The following PCDHGA6 variants were observed in gnomAD, a reference collection of about 807,000 sequenced individuals.
The protein encoded by PCDHGA6 is protocadherin gamma-A6.
Under a neutral mutation model 60.6 loss-of-function variants are expected in PCDHGA6, and 41 were observed. The observed-to-expected ratio is 0.68, with a 90% CI of 0.53 to 0.88. PCDHGA6 has a LOEUF of 0.88. Ranked by LOEUF, PCDHGA6 falls within the 40% of genes least tolerant of loss-of-function variation. The pLI is 0.00. For synonymous variants in PCDHGA6, 594 were observed against 524.4 expected, an observed-to-expected ratio of 1.13 and a Z score of -1.81; for missense variants, 1,312 against 1,203.0, an observed-to-expected ratio of 1.09 and a Z score of -1.34.
intron 2 of PCDHGA6, among the ~76,000 whole-genome samples, chr5:141,501,690 A>G (rs760011264): frequency 5.3e-5 from 8 of 152,158 alleles, no homozygotes; most frequent in Non-Finnish European, 1.0e-4. Context: ...ACTTATCTGC[A>G]GGGTGATTCC....
intron 2 of PCDHGA6, among the ~76,000 whole-genome samples, chr5:141,497,671 C>T (rs1026356633): frequency 6.6e-5 from 10 of 151,878 alleles, no homozygotes; most frequent in African/African-American, 2.4e-4. Flanking sequence ...TCCCGAGTAG[C>T]TGGGACAGCA....
Position 141,478,407 on chromosome 5 carries a change from C to T in PCDHGA6, c.2425-16400C>T. On this transcript the variant is annotated intron_variant, in intron 1 of 3. Coordinates refer to ENST00000517434, the MANE Select transcript of PCDHGA6 (RefSeq NM_018919.3). The stretch of plus-strand genomic sequence containing the variant: ...CTTTACCATCAGGTGTATCTCACCA[C>T]GGACTCCCGCCGCAGCGACCCGCTG... 1.9e-6 allele frequency: 3 copies of T among 1,613,272 alleles called. No individual in the cohort carries two copies. The highest frequency in any genetic ancestry group is 1.3e-5 in the African/African-American group (1 of 75,072).
intron 1 of PCDHGA6, among the ~76,000 whole-genome samples, chr5:141,401,533 CA>C: frequency 6.6e-6 from 1 of 151,790 alleles, no homozygotes; most frequent in East Asian, 1.9e-4. Flanking sequence ...AAGAAACTTA[CA>C]AAAAAAAGGA....
At chr5:141,462,157 A>C (rs1232551906) in intron 1 of PCDHGA6, among the ~76,000 whole-genome samples, 1 of 151,394 alleles carries the variant, frequency 6.6e-6, no homozygotes, top group African/African-American at 2.4e-5. Flanking sequence ...ATGGGGTTTC[A>C]TCATGTTGGC....
Position 141,375,948 on chromosome 5 carries a change from A to C in PCDHGA6, c.1865A>C (p.His622Pro). The C allele has an allele frequency of 6.2e-7, 1 of 1,613,556 alleles. No homozygotes were observed. The highest frequency in any genetic ancestry group is 8.5e-7 in the Non-Finnish European group (1 of 1,179,942). ...SEPGLFSVGL[H>P]TGEVRTARAL... is the part of the protein sequence containing the mutation. ...CCAGGACTTTTCTCAGTGGGCCTGC[A>C]CACGGGCGAGGTGCGCACGGCGCGC... The change falls in exon 1 of 4, where the codon CAC becomes CCC. Residue 622 changes from histidine (H) to proline (P), a missense_variant. Physicochemically the swap from His to Pro is moderately conservative, Grantham distance 77. Coordinates refer to ENST00000517434, the MANE Select transcript of PCDHGA6 (RefSeq NM_018919.3).
In PCDHGA6 at chr5:141,486,667, G is replaced by A; in HGVS notation, c.2425-8140G>A. On this transcript the variant is annotated intron_variant, in intron 1 of 3. Coordinates refer to ENST00000517434, the MANE Select transcript of PCDHGA6 (RefSeq NM_018919.3). The surrounding 1 kb of genome is among the most constrained non-coding windows in gnomAD (Gnocchi z 5.0). ...TCTCCTACTCACTCCTGGAGCCCAG[G>A]AATCGAGATGTATCAGCTTCCTCTT... 4 of 1,613,948 alleles carry A rather than the reference G, an allele frequency of 2.5e-6. No individual in the cohort carries two copies. Among genetic ancestry groups the A allele is most frequent in the Non-Finnish European group, 3.4e-6 (4 of 1,180,014 alleles).
At chr5:141,443,126 A>G (rs972396091) in intron 1 of PCDHGA6, among the ~76,000 whole-genome samples, 1 of 152,190 alleles carries the variant, frequency 6.6e-6, no homozygotes, top group Non-Finnish European at 1.5e-5. Context: ...AACCAGATTA[A>G]GAACACTATC....
At chr5:141,499,620 G>A (rs557854340) in intron 2 of PCDHGA6, among the ~76,000 whole-genome samples, 1 of 150,986 alleles carries the variant, frequency 6.6e-6, no homozygotes, top group Non-Finnish European at 1.5e-5. Context: ...TCCTGTCCTT[G>A]GATTCTTTTG....
Position 141,374,519 on chromosome 5 carries a change from G to A in PCDHGA6, c.436G>A (p.Ala146Thr), listed in dbSNP as rs769907625. The change falls in exon 1 of 4, where the codon GCA becomes ACA. Residue 146 changes from alanine (A) to threonine (T), a missense_variant. Transcript: ENST00000517434. Reference protein sequence around the residue: ...EELEVKILENAAPSSRFPLME... With the variant: ...EELEVKILENTAPSSRFPLME... ...ATTGGAAGTGAAAATTCTCGAAAACGCAGCTCCATCCTCTCGTTTTCCACT... is the reference window on the plus strand; with the variant it reads ...ATTGGAAGTGAAAATTCTCGAAAACACAGCTCCATCCTCTCGTTTTCCACT... 5 of 1,612,332 alleles carry A rather than the reference G, an allele frequency of 3.1e-6. No individual in the cohort carries two copies. The highest frequency in any genetic ancestry group is 1.7e-5 in the Admixed American group (1 of 59,992).
chr5:141,390,097 C>T, intron 1 of PCDHGA6: 1 of 1,614,026 alleles, frequency 6.2e-7, no homozygotes, highest in Non-Finnish European at 8.5e-7. Context: ...TCCGTGGTTC[C>T]CCCCAACTAC....
intron 1 of PCDHGA6, among the ~76,000 whole-genome samples, chr5:141,380,672 T>C (rs1401105927): frequency 1.3e-5 from 2 of 152,212 alleles, no homozygotes; most frequent in Non-Finnish European, 1.5e-5. Context: ...CTCCATAGGG[T>C]ATGTATGCTT....
chr5:141,421,861 C>T, intron 1 of PCDHGA6: 2 of 1,613,738 alleles, frequency 1.2e-6, no homozygotes, highest in South Asian at 2.2e-5. Flanking sequence ...TCACCTGCTC[C>T]TCCTCACAGC....
chr5:141,447,299 C>A (rs543731556), intron 1 of PCDHGA6, among the ~76,000 whole-genome samples: 38 of 152,102 alleles, frequency 2.5e-4, no homozygotes, highest in Middle Eastern at 6.8e-3. Context: ...GCCACCACAC[C>A]CGGCTAATTT....
chr5:141,374,359 C>T lies in PCDHGA6; in HGVS notation c.276C>T (p.Arg92=), dbSNP rs1179448303. 1 of 1,614,000 alleles carries T rather than the reference C, an allele frequency of 6.2e-7. No individual in the cohort carries two copies. The highest frequency in any genetic ancestry group is 1.7e-5 in the Admixed American group (1 of 60,026). Reference sequence around the variant, plus strand: ...TGGTCACCGCGGGTAGGATAGACCGCGAGGAGCTCTGTGCTCAGAGCCCGC... The same window carrying T: ...TGGTCACCGCGGGTAGGATAGACCGTGAGGAGCTCTGTGCTCAGAGCCCGC... ...GSLVTAGRID[R]EELCAQSPRC... Residue 92 remains arginine, a synonymous_variant, in exon 1 of 4, where the codon CGC becomes CGT. Transcript: ENST00000517434.
At chr5:141,458,594 G>T (rs1226490392) in intron 1 of PCDHGA6, among the ~76,000 whole-genome samples, 1 of 151,612 alleles carries the variant, frequency 6.6e-6, no homozygotes, top group Non-Finnish European at 1.5e-5. Context: ...TTTTGGAGAC[G>T]AGTCTCACTC....
chr5:141,392,735 C>T, intron 1 of PCDHGA6: 1 of 1,428,540 alleles, frequency 7.0e-7, no homozygotes, highest in East Asian at 2.5e-5. Context: ...ATTGTCATCT[C>T]CATAGCTGCG....
intron 1 of PCDHGA6, chr5:141,412,207 C>T (rs529672287): frequency 1.1e-3 from 173 of 152,330 alleles, no homozygotes; most frequent in African/African-American, 4.1e-3. Flanking sequence ...GGTCATTTGA[C>T]ATAAACACTT....
rs201372696 is a variant in PCDHGA6, at chr5:141,400,469, C to T, written c.2424+23962C>T. On this transcript the variant is annotated intron_variant, in intron 1 of 3. Coordinates refer to ENST00000517434, the MANE Select transcript of PCDHGA6 (RefSeq NM_018919.3). ...CAAGACATACTTTGTGGTGATTCATCTGGGGCCTTATTTCCACTTTGTAAT... is the reference window on the plus strand; with the variant it reads ...CAAGACATACTTTGTGGTGATTCATTTGGGGCCTTATTTCCACTTTGTAAT... 15 of 1,613,944 alleles carry T rather than the reference C, an allele frequency of 9.3e-6. No individual in the cohort carries two copies. The African/African-American group carries it at 1.9e-4, about 20-fold the overall frequency.
chr5:141,509,575 T>C (rs186302231), intron 3 of PCDHGA6, among the ~76,000 whole-genome samples: 153 of 152,320 alleles, frequency 1.0e-3, no homozygotes, highest in African/African-American at 3.7e-3. Flanking sequence ...TCACAGTGCG[T>C]ACAAATCAGC....
Sources: gnomAD v4.1 joint callset for allele counts (sites outside exome capture counted in the v4.1 genomes callset) on GRCh38, gnomAD v4.1.1 for gene constraint, Gnocchi (gnomAD v3.1) non-coding constraint, MANE v1.5 for transcripts, NCBI Gene and HGNC (gene_info 2026-07-23, HGNC 2026-07-21) for gene names.